CAPSL: variants seen among roughly 807,000 people sequenced by gnomAD.
CAPSL encodes the protein calcyphosin-like protein.
In CAPSL, 17 loss-of-function variants were observed where a neutral mutation model predicts 21.3. The observed-to-expected ratio is 0.80, with a 90% confidence interval of 0.55 to 1.20. The LOEUF is 1.20. Among genes scored for constraint, CAPSL ranks in the 50% most tolerant of loss-of-function variants. CAPSL has a pLI of 0.00. For missense variants in CAPSL, 289 were observed against 259.3 expected, an observed-to-expected ratio of 1.11 and a Z score of -0.79; for synonymous variants, 102 against 89.3, an observed-to-expected ratio of 1.14 and a Z score of -0.80.
At chr5:35,935,359 G>T (rs1738918421) in intron 1 of CAPSL, among the ~76,000 whole-genome samples, 1 of 150,268 alleles carries the variant, frequency 6.7e-6, no homozygotes, top group Non-Finnish European at 1.5e-5. Flanking sequence ...CTGAGACAGG[G>T]TCTCACTCTG....
At chr5:35,933,997 G>A (rs1023535080) in intron 1 of CAPSL, among the ~76,000 whole-genome samples, 5 of 152,166 alleles carry the variant, frequency 3.3e-5, no homozygotes, top group African/African-American at 9.7e-5. Context: ...AAGCCAACAC[G>A]TGGCCATTTC....
chr5:35,938,561 C>T lies in CAPSL; in HGVS notation c.-21G>A, dbSNP rs1435472133. The T allele has an allele frequency of 2.0e-5, 3 of 153,064 alleles. No individual in the cohort carries two copies. Among genetic ancestry groups the T allele is most frequent in the African/African-American group, 7.2e-5 (3 of 41,410 alleles). 9.5% of individuals were successfully genotyped at this position (153,064 alleles called of 1,614,324 possible). On this transcript the variant is annotated 5_prime_UTR_variant, in exon 1 of 5. The change creates a premature stop within an existing upstream ORF in the 5' untranslated region. Transcript: ENST00000651391. The stretch of plus-strand genomic sequence containing the variant: ...TTTACCTTAAATGCTAACCTTTTGC[C>T]ACCAGTTGCTTCGAACTGAAACTAT...
chr5:35,915,260 C>A (rs980165033), intron 2 of CAPSL, among the ~76,000 whole-genome samples: 1 of 152,166 alleles, frequency 6.6e-6, no homozygotes, highest in South Asian at 2.1e-4. Context: ...GAAGGATTCA[C>A]AGCCAAATTC....
intron 4 of CAPSL, among the ~76,000 whole-genome samples, chr5:35,905,172 A>C (rs1760648574): frequency 6.6e-6 from 1 of 152,268 alleles, no homozygotes; most frequent in South Asian, 2.1e-4. Flanking sequence ...GGTGAATAAA[A>C]AGCTTACCCC....
chr5:35,908,006 A>C (rs922627566), intron 4 of CAPSL, among the ~76,000 whole-genome samples: 1 of 152,268 alleles, frequency 6.6e-6, no homozygotes, highest in South Asian at 2.1e-4. Context: ...TGTCTATTAA[A>C]TGAGATATCC....
chr5:35,927,242 T>G (rs1013362288), intron 1 of CAPSL, among the ~76,000 whole-genome samples: 1 of 152,206 alleles, frequency 6.6e-6, no homozygotes, highest in African/African-American at 2.4e-5. Context: ...AGCAGCCGTC[T>G]GCAGTCCAAT....
chr5:35,914,195 G>T (rs1018908721), intron 2 of CAPSL, among the ~76,000 whole-genome samples: 2 of 152,074 alleles, frequency 1.3e-5, no homozygotes, highest in Non-Finnish European at 2.9e-5. Flanking sequence ...ACAAGAGCAC[G>T]CAGATTCATA....
chr5:35,910,423 C>A lies in CAPSL; in HGVS notation c.258G>T (p.Arg86Ser). Residue 86 changes from arginine (R) to serine (S), a missense_variant, in exon 3 of 5, where the codon AGG becomes AGT. Transcript: ENST00000651391. ...TTGTTCCATTTCCATCTTTATCAAA[C>A]CTCCGGAAAAGTTCTTCCACCTCTT... ...EKEEVEELFR[R>S]FDKDGNGTID... 6.2e-7 allele frequency: 1 copy of A among 1,613,944 alleles called. No individual in the cohort carries two copies. Among genetic ancestry groups the A allele is most frequent in the Non-Finnish European group, 8.5e-7 (1 of 1,179,882 alleles).
rs1413728123 is a variant in CAPSL, at chr5:35,921,219, C to T, written c.1-99G>A. 2.8e-6 allele frequency: 4 copies of T among 1,418,014 alleles called. No homozygotes were observed. In the Admixed American group the frequency reaches 7.1e-5, roughly 25 times the overall value. The allele number at this position is 1,418,014 out of a possible 1,614,324, so 87.8% of individuals were successfully genotyped here. A position where few individuals can be genotyped will look rare whatever the true frequency, so the allele number is the denominator to read the frequency against. On this transcript the variant is annotated intron_variant, in intron 1 of 4. Coordinates refer to ENST00000651391, the MANE Select transcript of CAPSL (RefSeq NM_001042625.2). ...CCTCACTGAGAAGGAAATTTACAGC[C>T]TTCTCTGTCAGGAAACCTCTCAGAA...
intron 2 of CAPSL, among the ~76,000 whole-genome samples, chr5:35,917,633 G>A (rs988827741): frequency 3.8e-4 from 58 of 152,160 alleles, no homozygotes; most frequent in Admixed American, 1.6e-3. Flanking sequence ...ACCAAACACC[G>A]CATGTTCGCA....
chr5:35,904,925 C>G (rs141746552), intron 4 of CAPSL, among the ~76,000 whole-genome samples: 1 of 152,100 alleles, frequency 6.6e-6, no homozygotes, highest in Non-Finnish European at 1.5e-5. Context: ...GGGAGCCCGT[C>G]GGTTCAGGTA....
intron 1 of CAPSL, among the ~76,000 whole-genome samples, chr5:35,928,972 A>G (rs1464776026): frequency 6.6e-6 from 1 of 152,180 alleles, no homozygotes; most frequent in Non-Finnish European, 1.5e-5. Context: ...TGTATCCCTA[A>G]GTTTGAGAAC....
chr5:35,908,792 A>G (rs1738116100), intron 4 of CAPSL, among the ~76,000 whole-genome samples: 1 of 152,200 alleles, frequency 6.6e-6, no homozygotes, highest in Non-Finnish European at 1.5e-5. Context: ...GGGAAATGTC[A>G]GCAGGAAGAA....
intron 1 of CAPSL, among the ~76,000 whole-genome samples, chr5:35,925,260 A>G (rs1262376123): frequency 6.6e-6 from 1 of 152,232 alleles, no homozygotes; most frequent in Non-Finnish European, 1.5e-5. Flanking sequence ...TGCAATCACA[A>G]GAGGACGGGA....
chr5:35,927,238 C>T (rs1275399510), intron 1 of CAPSL, among the ~76,000 whole-genome samples: 1 of 152,142 alleles, frequency 6.6e-6, no homozygotes, highest in Non-Finnish European at 1.5e-5. Flanking sequence ...CAACAGCAGC[C>T]GTCTGCAGTC....
In CAPSL at chr5:35,931,008, C is replaced by T. The variant is rs145219046; in HGVS notation, c.-1+7533G>A. ...AGGGCCAAGGGAATCATATCCATGC[C>T]AACTTAGAGCCCTGACATCATCGAG... On this transcript the variant is annotated intron_variant, in intron 1 of 4. Coordinates refer to ENST00000651391, the MANE Select transcript of CAPSL (RefSeq NM_001042625.2). Among the ~76,000 whole-genome samples the T allele has an allele frequency of 5.8e-3, 879 of 152,268 alleles. 8 individuals are homozygous for T. Among genetic ancestry groups the T allele is most frequent in the African/African-American group, 0.02 (833 of 41,546 alleles).
chr5:35,928,255 G>T (rs1738733284), intron 1 of CAPSL, among the ~76,000 whole-genome samples: 1 of 152,172 alleles, frequency 6.6e-6, no homozygotes. Flanking sequence ...AACTCCTGAA[G>T]ACCACACCAC....
intron 1 of CAPSL, among the ~76,000 whole-genome samples, chr5:35,929,926 A>G (rs1428246432): frequency 6.6e-6 from 1 of 152,012 alleles, no homozygotes; most frequent in East Asian, 1.9e-4. Context: ...TGCAGCAGCT[A>G]TTTTTTTCTG....
In CAPSL at chr5:35,935,448, G is replaced by A. The variant is rs117985975; in HGVS notation, c.-1+3093C>T. Among the ~76,000 whole-genome samples the A allele has an allele frequency of 6.1e-3, 915 of 150,958 alleles. 19 individuals are homozygous for A. The highest frequency in any genetic ancestry group is 0.056 in the East Asian group (284 of 5,114). On this transcript the variant is annotated intron_variant, in intron 1 of 4. Transcript: ENST00000651391. Reference sequence around the variant, plus strand: ...CCTGGGCACAAGTGATCCTCCCACCGAAACCTCCCGAGTAGCTAGGACTAC... The same window carrying A: ...CCTGGGCACAAGTGATCCTCCCACCAAAACCTCCCGAGTAGCTAGGACTAC...
Sources: allele counts gnomAD v4.1 joint callset (sites outside exome capture counted in the v4.1 genomes callset), GRCh38; gene constraint gnomAD v4.1.1; transcripts MANE v1.5; gene names NCBI Gene and HGNC (gene_info 2026-07-23, HGNC 2026-07-21).